The following AATF variants were observed in gnomAD, a reference collection of about 807,000 sequenced individuals.
AATF encodes the protein apoptosis antagonizing transcription factor, also known as protein AATF.
Under a neutral mutation model 63.7 loss-of-function variants are expected in AATF, and 48 were observed. The ratio of observed to expected loss-of-function variants is 0.75; its 90% CI spans 0.60 to 0.96. The LOEUF is 0.96. Ranked by LOEUF, AATF falls within the 40% of genes least tolerant of loss-of-function variation. AATF has a pLI of 0.00. For synonymous variants in AATF, 258 were observed against 247.7 expected (o/e 1.04, Z -0.39); for missense variants, 639 against 685.7 (o/e 0.93, Z 0.76).
chr17:36,974,373 AC>A (rs1287699499), intron 4 of AATF, among the ~76,000 whole-genome samples: 16 of 152,224 alleles, frequency 1.1e-4, no homozygotes, highest in Non-Finnish European at 1.5e-5. Flanking sequence ...GGATAGTTTA[AC>A]CAGTTCTTTA....
chr17:37,043,774 A>G (rs967172477), intron 11 of AATF, among the ~76,000 whole-genome samples: 22 of 152,148 alleles, frequency 1.4e-4, no homozygotes, highest in Non-Finnish European at 2.4e-4. Flanking sequence ...GCTCGTATGC[A>G]GTGCCACCCT....
intron 4 of AATF, among the ~76,000 whole-genome samples, chr17:36,965,853 AC>A (rs1349381636): frequency 2.4e-4 from 37 of 151,976 alleles, no homozygotes; most frequent in African/African-American, 8.4e-4. Flanking sequence ...GGTGCGTGCC[AC>A]CACGTCCAGC....
chr17:37,050,342 CT>C (rs1168440371), intron 11 of AATF, among the ~76,000 whole-genome samples: 2 of 152,200 alleles, frequency 1.3e-5, no homozygotes, highest in African/African-American at 4.8e-5. Context: ...TCCACAAAAT[CT>C]AACAAAGTTC....
chr17:36,976,911 A>C (rs893311572), intron 4 of AATF, among the ~76,000 whole-genome samples: 1 of 152,216 alleles, frequency 6.6e-6, no homozygotes, highest in African/African-American at 2.4e-5. Flanking sequence ...AAAAGTTGTT[A>C]ATTGTTTTTG....
At chr17:36,985,561 C>G (rs2071162454) in intron 4 of AATF, among the ~76,000 whole-genome samples, 1 of 146,288 alleles carries the variant, frequency 6.8e-6, no homozygotes, top group African/African-American at 2.5e-5. Context: ...TTTGTTTTTT[C>G]CAGACAGAAT....
chr17:37,001,451 G>GGAAGGAAGGAAGGAA (rs2071296725), intron 8 of AATF, among the ~76,000 whole-genome samples: 1 of 115,896 alleles, frequency 8.6e-6, no homozygotes, highest in Non-Finnish European at 1.8e-5. Context: ...AAGGAAGGAA[G>GGAAGGAAGGAAGGAA]GAAGAAAAAA....
intron 11 of AATF, chr17:37,033,897 C>T (rs2071570570): frequency 6.5e-6 from 1 of 154,584 alleles, no homozygotes. Context: ...GTAAAACCTT[C>T]CCCAGAATTC....
chr17:36,950,454 G>A (rs771514985), intron 2 of AATF, 49 bp downstream of exon 2: 9 of 1,559,552 alleles, frequency 5.8e-6, no homozygotes, highest in Non-Finnish European at 7.9e-6. Context: ...AATTTTTTCA[G>A]GGTTAAAATC....
intron 10 of AATF, among the ~76,000 whole-genome samples, chr17:37,030,223 A>G (rs1431283752): frequency 1.3e-5 from 2 of 152,106 alleles, no homozygotes; most frequent in Admixed American, 6.6e-5. Context: ...TATTACTTGT[A>G]TAATAGGAAA....
At chr17:37,040,743 T>C (rs1031556601) in intron 11 of AATF, among the ~76,000 whole-genome samples, 3 of 97,960 alleles carry the variant, frequency 3.1e-5, no homozygotes, top group African/African-American at 1.4e-4. Flanking sequence ...TAGATTAAAA[T>C]GCTTCCCCCC....
In AATF at chr17:36,949,064, G is replaced by A. The variant is rs548437375; in HGVS notation, c.-62G>A. The A allele has an allele frequency of 4.2e-6, 6 of 1,415,708 alleles. No individual in the cohort carries two copies. The highest frequency in any genetic ancestry group is 2.5e-5 in the East Asian group (1 of 39,520). The allele number at this position is 1,415,708 out of a possible 1,614,324, so 87.7% of individuals were successfully genotyped here. A position where few individuals can be genotyped will look rare whatever the true frequency, so the allele number is the denominator to read the frequency against. ...AGGATCCGGCAGGGAAGGAGCTTCG[G>A]GGCCGGGGGTTGGGCCGCACATTTA... On this transcript the variant is annotated 5_prime_UTR_variant, in exon 1 of 12. Transcript: ENST00000619387.
At chr17:37,030,857 G>A (rs2071546651) in intron 10 of AATF, among the ~76,000 whole-genome samples, 1 of 152,132 alleles carries the variant, frequency 6.6e-6, no homozygotes. Flanking sequence ...CCAGTAGATG[G>A]CTTTTGTGAC....
chr17:36,958,874 G>T (rs1456023677), intron 4 of AATF, among the ~76,000 whole-genome samples: 1 of 152,206 alleles, frequency 6.6e-6, no homozygotes, highest in Non-Finnish European at 1.5e-5. Flanking sequence ...GCCTGGTGTG[G>T]TGGCTCATGC....
rs184908595 is a variant in AATF at position 37,054,489 on chromosome 17, T to G, written c.1620-2112T>G. The G allele has an allele frequency of 3.3e-5, 5 of 152,336 alleles. No individual in the cohort carries two copies. The East Asian group carries it at 9.7e-4, about 29-fold the overall frequency. The allele number at this position is 152,336 out of a possible 1,614,324, so 9.4% of individuals were successfully genotyped here. A position where few individuals can be genotyped will look rare whatever the true frequency, so the allele number is the denominator to read the frequency against. ...GATATTCTCTCTCTCTGAAAATATT[T>G]TAAGAACCCAGACCACTCAGCTTCC... On this transcript the variant is annotated intron_variant, in intron 11 of 11. Transcript: ENST00000619387.
In AATF at chr17:36,968,491, G is replaced by C. The variant is rs574781714; in HGVS notation, c.832+14584G>C. On this transcript the variant is annotated intron_variant, in intron 4 of 11. Coordinates refer to ENST00000619387, the MANE Select transcript of AATF (RefSeq NM_012138.4). ...AGGTTTTGCTGTGTTGGCCAGGCTT[G>C]TCTTAAATTCCTGAGCTTAGGTGAT... 7.3e-5 allele frequency among the ~76,000 whole-genome samples: 11 copies of C among 151,702 alleles called. No homozygotes were observed. In the South Asian group the frequency reaches 1.9e-3, roughly 26 times the overall value.
At chr17:37,042,223 GT>G (rs1469329369) in intron 11 of AATF, among the ~76,000 whole-genome samples, 1 of 151,846 alleles carries the variant, frequency 6.6e-6, no homozygotes, top group Non-Finnish European at 1.5e-5. Context: ...TGTGGGGGGT[GT>G]TTTTCATTGT....
rs780859097 is a variant in AATF, at chr17:36,953,271, A to G, written c.669A>G (p.Lys223=). The change falls in exon 3 of 12, where the codon AAA becomes AAG. Residue 223 remains lysine (K), a synonymous_variant. Coordinates refer to ENST00000619387, the MANE Select transcript of AATF (RefSeq NM_012138.4). ...SSVKVSEEVE[K]GRAVKNQIAL... is the part of the protein sequence containing the mutation. ...TCAAAGTTTCTGAGGAAGTGGAGAA[A>G]GGAAGAGCCGTGAAGAACCAGATAG... The G allele has an allele frequency of 1.2e-6, 2 of 1,613,954 alleles. No homozygotes were observed. Among genetic ancestry groups the G allele is most frequent in the Non-Finnish European group, 1.7e-6 (2 of 1,179,834 alleles).
In AATF at chr17:36,989,529, C is replaced by T. The variant is rs1381508558; in HGVS notation, c.1314+118C>T. 3 of 1,059,312 alleles carry T rather than the reference C, an allele frequency of 2.8e-6. No individual in the cohort carries two copies. In the African/African-American group the frequency reaches 4.8e-5, roughly 17 times the overall value. The allele number at this position is 1,059,312 out of a possible 1,614,324, so 65.6% of individuals were successfully genotyped here. On this transcript the variant is annotated intron_variant, in intron 7 of 11. Coordinates refer to ENST00000619387, the MANE Select transcript of AATF (RefSeq NM_012138.4). ...AGGTTAGTGAGAGAAAGGAAAGCAA[C>T]ACTACTTTACTGGATTACTGAGAGA... is the stretch of plus-strand genomic sequence containing the variant.
chr17:36,984,060 G>T (rs2071148368), intron 4 of AATF, among the ~76,000 whole-genome samples: 1 of 152,208 alleles, frequency 6.6e-6, no homozygotes, highest in Non-Finnish European at 1.5e-5. Context: ...TGAGAAGTCT[G>T]CTCATGCTGG....
Sources: gnomAD v4.1 joint callset for allele counts (sites outside exome capture counted in the v4.1 genomes callset) on GRCh38, gnomAD v4.1.1 for gene constraint, MANE v1.5 for transcripts, NCBI Gene and HGNC (gene_info 2026-07-23, HGNC 2026-07-21) for gene names.